RBM47: variants seen among roughly 807,000 people sequenced by gnomAD.
RBM47 encodes RNA-binding protein 47.
A neutral mutation model predicts 47.1 loss-of-function variants in RBM47; 21 were observed. The observed-to-expected ratio is 0.45, with a 90% confidence interval of 0.32 to 0.64. The LOEUF (loss-of-function observed/expected upper bound fraction) is 0.64. Ranked by LOEUF, RBM47 falls within the 30% of genes least tolerant of loss-of-function variation. RBM47 has a pLI of 0.05. For synonymous variants in RBM47, 375 were observed against 361.7 expected (o/e 1.04, Z -0.42); for missense variants, 708 against 870.9 (o/e 0.81, Z 2.35).
chr4:40,432,829 A>G lies in RBM47; in HGVS notation c.1364T>C (p.Met455Thr). ...TTTAGGGGCTGGAGCTGCTGGAAAC[A>G]TGGAATACTGAGCCCCAATGGCAGG... is the stretch of plus-strand genomic sequence containing the variant. ...AIPAIGAQYS[M>T]FPAAPAPKMI... The change falls in exon 6 of 7, where the codon ATG (methionine) becomes ACG (threonine). Residue 455 changes from methionine to threonine, a missense_variant. Met to Thr is a moderately conservative substitution (Grantham distance 81). Transcript: ENST00000295971. 1 of 1,613,732 alleles carries G rather than the reference A, an allele frequency of 6.2e-7. No individual in the cohort carries two copies. Among genetic ancestry groups the G allele is most frequent in the Non-Finnish European group, 8.5e-7 (1 of 1,179,934 alleles).
intron 2 of RBM47, among the ~76,000 whole-genome samples, chr4:40,535,875 C>T (rs1227900235): frequency 6.6e-6 from 1 of 151,808 alleles, no homozygotes; most frequent in Non-Finnish European, 1.5e-5. Context: ...TATTTTTTTT[C>T]CCCCTCATAG....
At chr4:40,456,564 C>CTTTTTTTTTTTTTTTTTT (rs1277526841) in intron 3 of RBM47, among the ~76,000 whole-genome samples, 7 of 78,688 alleles carry the variant, frequency 8.9e-5, no homozygotes, top group Admixed American at 1.5e-4. Flanking sequence ...TTTTTCTTTT[C>CTTTTTTTTTTTTTTTTTT]TTTTTTCTTT....
intron 1 of RBM47, among the ~76,000 whole-genome samples, chr4:40,592,176 C>T (rs1387401945): frequency 6.6e-6 from 1 of 152,076 alleles, no homozygotes; most frequent in African/African-American, 2.4e-5. Flanking sequence ...AAGTAGAGTA[C>T]AGGGGAATCA....
chr4:40,465,454 G>A (rs1717863761), intron 3 of RBM47, among the ~76,000 whole-genome samples: 2 of 152,088 alleles, frequency 1.3e-5, no homozygotes, highest in Admixed American at 1.3e-4. Flanking sequence ...GAGCTCAGAG[G>A]TTCAAGACCA....
At chr4:40,553,719 C>G (rs896368514) in intron 1 of RBM47, among the ~76,000 whole-genome samples, 4 of 152,136 alleles carry the variant, frequency 2.6e-5, no homozygotes, top group Non-Finnish European at 4.4e-5. Context: ...GGGTCTAGCA[C>G]TAGTCAATAG....
chr4:40,516,503 G>A (rs1317277418), intron 2 of RBM47, among the ~76,000 whole-genome samples: 3 of 151,626 alleles, frequency 2.0e-5, no homozygotes, highest in Admixed American at 6.6e-5. Context: ...CAGGTGATCC[G>A]CCCGCCTTGG....
intron 1 of RBM47, among the ~76,000 whole-genome samples, chr4:40,550,226 A>G (rs1729434063): frequency 6.6e-6 from 1 of 152,158 alleles, no homozygotes; most frequent in Non-Finnish European, 1.5e-5. Flanking sequence ...AAGTTATAAA[A>G]TGCTTTGTGT....
intron 2 of RBM47, among the ~76,000 whole-genome samples, chr4:40,481,262 T>G (rs1328725823): frequency 6.7e-6 from 1 of 149,168 alleles, no homozygotes; most frequent in Non-Finnish European, 1.5e-5. Context: ...ACCTGGATCA[T>G]ATGTTGTTTC....
Position 40,509,692 on chromosome 4 carries a change from C to T in RBM47, c.-155+34730G>A, listed in dbSNP as rs935349273. On this transcript the variant is annotated intron_variant, in intron 2 of 6. Transcript: ENST00000295971. The stretch of plus-strand genomic sequence containing the variant: ...GTCAGGAGATCGAGACCATCCTGGC[C>T]AACACGGTGAAACCCCGTCTCCACT... Among the ~76,000 whole-genome samples, 10 of 148,870 alleles carry T rather than the reference C, an allele frequency of 6.7e-5. No homozygotes were observed. The East Asian group carries it at 1.8e-3, about 27-fold the overall frequency.
Position 40,434,002 on chromosome 4 carries a change from G to GGGGTGTAT in RBM47, c.1331-1141_1331-1140insATACACCC, listed in dbSNP as rs1213913858. On this transcript the variant is annotated intron_variant, in intron 5 of 6. Coordinates refer to ENST00000295971, the MANE Select transcript of RBM47 (RefSeq NM_001098634.2). ...TGTGAGTGTGTGTGTGTGGGGCGGG[G>GGGGTGTAT]GTGTGTGTGTGTGTGTGTGTGTGTG... Among the ~76,000 whole-genome samples, 24 of 45,632 alleles carry GGGGTGTAT rather than the reference G, an allele frequency of 5.3e-4. 3 individuals carry two copies. Among genetic ancestry groups the GGGGTGTAT allele is most frequent in the African/African-American group, 1.1e-3 (21 of 19,054 alleles). 29.9% of individuals were successfully genotyped at this position (45,632 alleles called of 152,430 possible). A position where few individuals can be genotyped will look rare whatever the true frequency, so the allele number is the denominator to read the frequency against.
chr4:40,518,410 A>G (rs1355954780), intron 2 of RBM47, among the ~76,000 whole-genome samples: 1 of 151,998 alleles, frequency 6.6e-6, no homozygotes, highest in Non-Finnish European at 1.5e-5. Context: ...TCCTGAGCTC[A>G]AGTGATCCAC....
chr4:40,481,795 G>A lies in RBM47; in HGVS notation c.-154-15096C>T, dbSNP rs191806491. Among the ~76,000 whole-genome samples, 264 of 152,074 alleles carry A rather than the reference G, an allele frequency of 1.7e-3. 1 individual carries two copies. Among genetic ancestry groups the A allele is most frequent in the African/African-American group, 6.0e-3 (250 of 41,502 alleles). On this transcript the variant is annotated intron_variant, in intron 2 of 6. Coordinates refer to ENST00000295971, the MANE Select transcript of RBM47 (RefSeq NM_001098634.2). ...TTAAACTCCTGACCTCAAGCGATCCGCCCGCCTTGGTCTTCCAAAGTGTTG... is the reference window on the plus strand; with the variant it reads ...TTAAACTCCTGACCTCAAGCGATCCACCCGCCTTGGTCTTCCAAAGTGTTG...
chr4:40,583,885 CA>C (rs1430617304), intron 1 of RBM47, among the ~76,000 whole-genome samples: 1 of 56,928 alleles, frequency 1.8e-5, no homozygotes, highest in African/African-American at 7.0e-5. Flanking sequence ...AAACAAAAAA[CA>C]AAAAAACCAA....
At chr4:40,570,441 G>A (rs114560635) in intron 1 of RBM47, among the ~76,000 whole-genome samples, 2,113 of 151,862 alleles carry the variant, frequency 0.014, 49 homozygotes, top group Middle Eastern at 0.041. Context: ...TAGGCTTTAC[G>A]CGCCTATGAG....
rs1179457986 is a variant in RBM47, at chr4:40,595,653, TGA to T, written c.-240+33741_-240+33742del. On this transcript the variant is annotated intron_variant, in intron 1 of 6. Coordinates refer to ENST00000295971, the MANE Select transcript of RBM47 (RefSeq NM_001098634.2). ...CTGTAATCCTAGCACTTTGGGAGGC[TGA>T]GAAAGGAGGATCACTTGAGGTCAGA... Among the ~76,000 whole-genome samples the T allele has an allele frequency of 2.4e-3, 363 of 152,224 alleles. 3 individuals are homozygous for T. Among genetic ancestry groups the T allele is most frequent in the African/African-American group, 8.2e-3 (339 of 41,540 alleles).
intron 2 of RBM47, among the ~76,000 whole-genome samples, chr4:40,537,804 G>A (rs1188790695): frequency 6.6e-6 from 1 of 151,842 alleles, no homozygotes; most frequent in Non-Finnish European, 1.5e-5. Flanking sequence ...ATGTAAATTC[G>A]GCGCAATTAC....
At chr4:40,524,590 T>A (rs79986086) in intron 2 of RBM47, among the ~76,000 whole-genome samples, 3,384 of 152,312 alleles carry the variant, frequency 0.022, 138 homozygotes, top group African/African-American at 0.077. Context: ...GCATTCGGAC[T>A]CAGAAAAGGA....
chr4:40,546,830 C>T (rs1361367132), intron 1 of RBM47, among the ~76,000 whole-genome samples: 2 of 152,186 alleles, frequency 1.3e-5, no homozygotes, highest in African/African-American at 4.8e-5. Flanking sequence ...CATTATACAG[C>T]TTTTACCTCT....
intron 2 of RBM47, among the ~76,000 whole-genome samples, chr4:40,504,459 CT>C (rs1723822142): frequency 1.3e-5 from 2 of 151,898 alleles, no homozygotes; most frequent in African/African-American, 4.8e-5. Context: ...CCTGACTAAT[CT>C]TTTTGTATTT....
Sources: allele counts gnomAD v4.1 joint callset (sites outside exome capture counted in the v4.1 genomes callset), GRCh38; gene constraint gnomAD v4.1.1; transcripts MANE v1.5; gene names NCBI Gene and HGNC (gene_info 2026-07-23, HGNC 2026-07-21).